The following KIF26B variants were observed in gnomAD, a reference collection of about 807,000 sequenced individuals.
The protein encoded by KIF26B is kinesin family member 26B.
Under a neutral mutation model 151.2 loss-of-function variants are expected in KIF26B, and 63 were observed. That is an observed-to-expected ratio of 0.42 (90% CI 0.34 to 0.51). KIF26B has a LOEUF of 0.51. Among genes scored for constraint, KIF26B ranks in the 20% least tolerant of loss-of-function variants. The probability of loss-of-function intolerance (pLI) is 0.07; values close to 1 mark genes in which losing one functional copy is unlikely to be tolerated. For missense variants in KIF26B, 2,813 were observed against 2,913.6 expected (o/e 0.97, Z 0.79); for synonymous variants, 1,357 against 1,262.1 (o/e 1.08, Z -1.59).
rs116335666 is a variant in KIF26B at position 245,261,445 on chromosome 1, T to C, written c.465+104762T>C. Among the ~76,000 whole-genome samples, 1,482 of 148,908 alleles carry C rather than the reference T, an allele frequency of 1.0e-2. 30 individuals are homozygous for C. Among genetic ancestry groups the C allele is most frequent in the African/African-American group, 0.035 (1,390 of 39,750 alleles). On this transcript the variant is annotated intron_variant, in intron 2 of 14. Coordinates refer to ENST00000407071, the MANE Select transcript of KIF26B (RefSeq NM_018012.4). The stretch of plus-strand genomic sequence containing the variant: ...CGCGCCCAGCTTGTTCGCGCTCGCT[T>C]GCTTGCTTGCTTTTTCTTTCTTTCT...
intron 5 of KIF26B, among the ~76,000 whole-genome samples, chr1:245,570,089 C>T (rs1383136383): frequency 1.3e-5 from 2 of 151,602 alleles, no homozygotes; most frequent in African/African-American, 2.4e-5. Flanking sequence ...GCGCCCGCCA[C>T]CACACCCGGC....
intron 2 of KIF26B, among the ~76,000 whole-genome samples, chr1:245,161,984 G>A (rs980437513): frequency 6.6e-6 from 1 of 152,158 alleles, no homozygotes; most frequent in African/African-American, 2.4e-5. Context: ...GCGGGGGGAA[G>A]GAACCTCCTT....
chr1:245,538,085 A>G (rs897137102), intron 4 of KIF26B, among the ~76,000 whole-genome samples: 10 of 152,318 alleles, frequency 6.6e-5, no homozygotes, highest in Non-Finnish European at 1.2e-4. Flanking sequence ...CAGAAAGGGT[A>G]TCAAGGAGGA....
rs1266941891 is a variant in KIF26B, at chr1:245,367,105, C to A, written c.737C>A (p.Ala246Asp). The A allele has an allele frequency of 1.9e-6, 3 of 1,595,434 alleles. No individual in the cohort carries two copies. The highest frequency in any genetic ancestry group is 3.5e-5 in the Admixed American group (2 of 57,158). ...VGGLQQPRDWAFVPAPCATSN... is the reference protein window; with the variant it reads ...VGGLQQPRDWDFVPAPCATSN... ...GGGCTCCAGCAGCCCAGAGACTGGGCCTTTGTGCCCGCCCCCTGTGCCACC... is the reference window on the plus strand; with the variant it reads ...GGGCTCCAGCAGCCCAGAGACTGGGACTTTGTGCCCGCCCCCTGTGCCACC... Residue 246 changes from alanine (A) to aspartate (D), a missense_variant, in exon 3 of 15, where the codon GCC becomes GAC. Transcript: ENST00000407071. This position sits in a 1 kb window ranked among gnomAD's most constrained non-coding sequence, Gnocchi z 4.2.
chr1:245,500,774 T>C (rs987258249), intron 4 of KIF26B, among the ~76,000 whole-genome samples: 4 of 152,238 alleles, frequency 2.6e-5, no homozygotes, highest in African/African-American at 9.6e-5. Context: ...GGCCTCCTGA[T>C]GGCGAGATGC....
chr1:245,411,461 T>C (rs1674281341), intron 3 of KIF26B, among the ~76,000 whole-genome samples: 2 of 152,202 alleles, frequency 1.3e-5, no homozygotes, highest in African/African-American at 4.8e-5. Context: ...ATCCCAGTGC[T>C]TCCCTCCTCA....
chr1:245,707,030 A>G lies in KIF26B; in HGVS notation c.*4424A>G, dbSNP rs1025156758. 3.9e-5 allele frequency: 6 copies of G among 152,240 alleles called. No individual in the cohort carries two copies. Among genetic ancestry groups the G allele is most frequent in the African/African-American group, 1.2e-4 (5 of 41,466 alleles). 9.4% of individuals were successfully genotyped at this position (152,240 alleles called of 1,614,324 possible). A position where few individuals can be genotyped will look rare whatever the true frequency, so the allele number is the denominator to read the frequency against. ...TTCCTGACAAAATGACACATTTTAA[A>G]ATTACAACCTGTTCATTATTTCCAT... On this transcript the variant is annotated 3_prime_UTR_variant, in exon 15 of 15. Transcript: ENST00000407071.
At chr1:245,642,832 T>C (rs2043908011) in intron 9 of KIF26B, among the ~76,000 whole-genome samples, 1 of 152,140 alleles carries the variant, frequency 6.6e-6, no homozygotes. Flanking sequence ...GGTCTGGAGC[T>C]GTGACTGGGC....
chr1:245,284,770 G>A (rs562109003), intron 2 of KIF26B, among the ~76,000 whole-genome samples: 1 of 152,212 alleles, frequency 6.6e-6, no homozygotes, highest in South Asian at 2.1e-4. Context: ...CGGGCGCAGT[G>A]GCTCATGCCT....
At chr1:245,592,129 G>A (rs2043294786) in intron 5 of KIF26B, among the ~76,000 whole-genome samples, 1 of 152,148 alleles carries the variant, frequency 6.6e-6, no homozygotes, top group African/African-American at 2.4e-5. Flanking sequence ...TAGCTTTATT[G>A]TGCCACCACT....
Position 245,367,065 on chromosome 1 carries a change from T to A in KIF26B, c.697T>A (p.Ser233Thr). ...PLSNIPTLVGSRHVGGLQQPR... is the reference protein window; with the variant it reads ...PLSNIPTLVGTRHVGGLQQPR... ...CTCCAACATCCCCACCCTGGTGGGG[T>A]CCCGGCACGTGGGTGGGCTCCAGCA... The change falls in exon 3 of 15, where the codon TCC becomes ACC. Residue 233 changes from serine to threonine, a missense_variant. By Grantham distance (58) the Ser-to-Thr change is moderately conservative. Around this residue, in one of 3 missense-constraint regions of KIF26B, gnomAD observed 676 missense variants for 688.1 expected, o/e 0.98. Coordinates refer to ENST00000407071, the MANE Select transcript of KIF26B (RefSeq NM_018012.4). The surrounding 1 kb of genome is among the most constrained non-coding windows in gnomAD (Gnocchi z 4.2). 6.2e-7 allele frequency: 1 copy of A among 1,604,180 alleles called. No individual in the cohort carries two copies. Among genetic ancestry groups the A allele is most frequent in the Non-Finnish European group, 8.5e-7 (1 of 1,175,492 alleles).
chr1:245,299,652 G>A (rs929828591), intron 2 of KIF26B, among the ~76,000 whole-genome samples: 1 of 152,202 alleles, frequency 6.6e-6, no homozygotes, highest in African/African-American at 2.4e-5. Context: ...GCTCAGAGAA[G>A]TTAGGGGGCA....
chr1:245,330,621 GGAGTGGGGGAGGGA>G (rs2102991034), intron 2 of KIF26B, among the ~76,000 whole-genome samples: 1 of 7,348 alleles, frequency 1.4e-4, no homozygotes, highest in Admixed American at 9.3e-4. Flanking sequence ...GAGGAGGGAG[GGAGTGGGGGAGGGA>G]GAGTGGGGGA....
At chr1:245,632,920 ATAAT>A (rs2043796190) in intron 9 of KIF26B, among the ~76,000 whole-genome samples, 1 of 152,144 alleles carries the variant, frequency 6.6e-6, no homozygotes, top group Non-Finnish European at 1.5e-5. Flanking sequence ...AAAATAATAA[ATAAT>A]AAAATGGAGT....
intron 4 of KIF26B, among the ~76,000 whole-genome samples, chr1:245,427,197 C>T (rs1658668089): frequency 6.6e-6 from 1 of 152,202 alleles, no homozygotes. Context: ...GTCTGAGATC[C>T]AACTCCTAGG....
At chr1:245,169,337 GTGTGTGTGT>G (rs1423615478) in intron 2 of KIF26B, among the ~76,000 whole-genome samples, 11 of 151,588 alleles carry the variant, frequency 7.3e-5, no homozygotes, top group Non-Finnish European at 1.0e-4. Flanking sequence ...TGGTGTGTGT[GTGTGTGTGT>G]GTGTGTGTGT....
chr1:245,272,358 C>T (rs1670867438), intron 2 of KIF26B, among the ~76,000 whole-genome samples: 1 of 152,014 alleles, frequency 6.6e-6, no homozygotes, highest in Non-Finnish European at 1.5e-5. Context: ...CTCAGAAGTT[C>T]AAGACCAGCC....
intron 2 of KIF26B, among the ~76,000 whole-genome samples, chr1:245,230,699 C>CGCCATTGCACTCCA (rs940360540): frequency 6.6e-6 from 1 of 150,650 alleles, no homozygotes; most frequent in Non-Finnish European, 1.5e-5. Flanking sequence ...GCCAAGATTG[C>CGCCATTGCACTCCA]GCCATTGCAC....
Position 245,692,261 on chromosome 1 carries a change from G to A in KIF26B, c.5824+3454G>A, listed in dbSNP as rs139194866. On this transcript the variant is annotated intron_variant, in intron 12 of 14. Coordinates refer to ENST00000407071, the MANE Select transcript of KIF26B (RefSeq NM_018012.4). ...AGCCGGCACAGGGGACAAGGCCACT[G>A]TAAGAAGTTTGTAATCTAATTGGAG... is the stretch of plus-strand genomic sequence containing the variant. Among the ~76,000 whole-genome samples, 28 of 152,288 alleles carry A rather than the reference G, an allele frequency of 1.8e-4. No individual in the cohort carries two copies. The South Asian group carries it at 5.4e-3, about 29-fold the overall frequency.
Sources: gnomAD v4.1 joint callset for allele counts (sites outside exome capture counted in the v4.1 genomes callset) on GRCh38, gnomAD v4.1.1 for gene constraint, gnomAD v4.1.1 regional missense constraint, Gnocchi (gnomAD v3.1) non-coding constraint, MANE v1.5 for transcripts, NCBI Gene and HGNC (gene_info 2026-07-23, HGNC 2026-07-21) for gene names.